The following FRAS1 variants were observed in gnomAD, a reference collection of about 807,000 sequenced individuals.
FRAS1 encodes Fraser extracellular matrix complex subunit 1, also known as extracellular matrix organizing protein FRAS1.
In FRAS1, 290 loss-of-function variants were observed where a neutral mutation model predicts 435.2. The ratio of observed to expected loss-of-function variants is 0.67; its 90% CI spans 0.61 to 0.73. FRAS1 has a LOEUF of 0.73. FRAS1 is among the 30% of genes least tolerant of loss of function. The pLI is 0.00. For missense variants in FRAS1, 4,860 were observed against 5,001.5 expected (o/e 0.97, Z 0.85); for synonymous variants, 1,800 against 1,851.0 (o/e 0.97, Z 0.71).
chr4:78,456,138 C>CTTTTTTTTTTCTTTT (rs1553962164), intron 47 of FRAS1, among the ~76,000 whole-genome samples: 1 of 51,486 alleles, frequency 1.9e-5, no homozygotes, highest in Non-Finnish European at 4.1e-5. Context: ...ACACATGTCA[C>CTTTTTTTTTTCTTTT]TTTTTTTTTT....
At chr4:78,289,579 G>C (rs1727786045) in intron 14 of FRAS1, among the ~76,000 whole-genome samples, 1 of 152,128 alleles carries the variant, frequency 6.6e-6, no homozygotes, top group Non-Finnish European at 1.5e-5. Context: ...TCACATTTTA[G>C]TTCTGGCACT....
intron 2 of FRAS1, among the ~76,000 whole-genome samples, chr4:78,084,184 T>C (rs909082504): frequency 1.3e-5 from 2 of 152,146 alleles, no homozygotes; most frequent in African/African-American, 2.4e-5. Flanking sequence ...TACAATCAAA[T>C]ATTTTTTTGG....
rs181347250 is a variant in FRAS1 at position 78,277,621 on chromosome 4, A to T, written c.982-1034A>T. 7.7e-3 allele frequency among the ~76,000 whole-genome samples: 1,174 copies of T among 152,246 alleles called. 8 individuals carry two copies. Among genetic ancestry groups the T allele is most frequent in the Non-Finnish European group, 0.012 (844 of 68,018 alleles). On this transcript the variant is annotated intron_variant, in intron 9 of 73. Coordinates refer to ENST00000512123, the MANE Select transcript of FRAS1 (RefSeq NM_025074.7). ...AACAGCAGATTTTCTGGGAGATGGG[A>T]CTTCAGTGGAATTACACTTTCTAAA...
intron 2 of FRAS1, among the ~76,000 whole-genome samples, chr4:78,136,510 G>A (rs868122394): frequency 6.6e-6 from 1 of 152,184 alleles, no homozygotes; most frequent in African/African-American, 2.4e-5. Flanking sequence ...GGCATGCAAG[G>A]GGAGGTATTG....
In FRAS1 at chr4:78,057,752, C is replaced by G; in HGVS notation, c.-258C>G. Reference sequence around the variant, plus strand: ...CCTCCTCTTATTCTCCCAAAGCTCACGTTGGCGTCCTGCCTTGCGGGGGAA... The same window carrying G: ...CCTCCTCTTATTCTCCCAAAGCTCAGGTTGGCGTCCTGCCTTGCGGGGGAA... On this transcript the variant is annotated 5_prime_UTR_variant, in exon 1 of 74. Coordinates refer to ENST00000512123, the MANE Select transcript of FRAS1 (RefSeq NM_025074.7). This position sits in a 1 kb window ranked among gnomAD's most constrained non-coding sequence, Gnocchi z 4.2. 1.8e-6 allele frequency: 1 copy of G among 545,614 alleles called. No homozygotes were observed. The highest frequency in any genetic ancestry group is 3.3e-6 in the Non-Finnish European group (1 of 306,848). The allele number at this position is 545,614 out of a possible 1,614,324, so 33.8% of individuals were successfully genotyped here. A position where few individuals can be genotyped will look rare whatever the true frequency, so the allele number is the denominator to read the frequency against.
chr4:78,247,978 G>A (rs966384714), intron 4 of FRAS1, among the ~76,000 whole-genome samples: 3 of 152,130 alleles, frequency 2.0e-5, no homozygotes, highest in African/African-American at 7.2e-5. Flanking sequence ...GAAAGTGAAG[G>A]ACTGGCTGAG....
At chr4:78,116,310 A>C (rs929018524) in intron 2 of FRAS1, among the ~76,000 whole-genome samples, 12 of 152,228 alleles carry the variant, frequency 7.9e-5, no homozygotes, top group Admixed American at 2.6e-4. Flanking sequence ...TATTCTGTTG[A>C]TTTGGGGTGG....
At chr4:78,537,245 G>T (rs766271796) in intron 72 of FRAS1, 45 bp downstream of exon 72, 1 of 1,559,416 alleles carries the variant, frequency 6.4e-7, no homozygotes, top group East Asian at 2.3e-5. Flanking sequence ...AGACACTTGA[G>T]CAGATTTCCT....
chr4:78,319,492 G>A (rs1729411676), intron 18 of FRAS1: 1 of 452,622 alleles, frequency 2.2e-6, no homozygotes, highest in South Asian at 1.6e-5. Context: ...GAGTGGTTGA[G>A]GAGATGAAAG....
chr4:78,286,294 G>C lies in FRAS1; in HGVS notation c.1400-111G>C. 3.3e-6 allele frequency: 4 copies of C among 1,220,946 alleles called. No homozygotes were observed. The East Asian group carries it at 9.3e-5, about 28-fold the overall frequency. The allele number at this position is 1,220,946 out of a possible 1,614,324, so 75.6% of individuals were successfully genotyped here. A position where few individuals can be genotyped will look rare whatever the true frequency, so the allele number is the denominator to read the frequency against. ...TTAAAATTATTTTTCTGCATTTTCT[G>C]TTTGGGACCTGGAGCCTCAAGATTG... is the stretch of plus-strand genomic sequence containing the variant. On this transcript the variant is annotated intron_variant, in intron 13 of 73. Transcript: ENST00000512123.
At chr4:78,425,279 T>G (rs1204978218) in intron 35 of FRAS1, among the ~76,000 whole-genome samples, 1 of 151,896 alleles carries the variant, frequency 6.6e-6, no homozygotes, top group African/African-American at 2.4e-5. Flanking sequence ...CAGAGGCGAG[T>G]TGAGAAACTT....
At chr4:78,119,718 G>A (rs1203758199) in intron 2 of FRAS1, among the ~76,000 whole-genome samples, 6 of 152,256 alleles carry the variant, frequency 3.9e-5, no homozygotes, top group South Asian at 4.1e-4. Context: ...ACTCTGCCAC[G>A]TAACACAGTT....
intron 2 of FRAS1, among the ~76,000 whole-genome samples, chr4:78,161,742 C>CAAAAAAAAAA (rs71214399): frequency 0.016 from 395 of 24,946 alleles, 2 homozygotes; most frequent in Middle Eastern, 0.036. Flanking sequence ...AACTCTGTCT[C>CAAAAAAAAAA]AAAAAAAAAA....
chr4:78,256,741 T>A (rs1725814305), intron 6 of FRAS1, among the ~76,000 whole-genome samples: 2 of 152,222 alleles, frequency 1.3e-5, no homozygotes. Context: ...TTAGAGCTAA[T>A]TAATATGCAA....
rs1443513703 is a variant in FRAS1 at position 78,353,913 on chromosome 4, GGGTGCAGCGC to G, written c.2423-9599_2423-9590del. 8.5e-5 allele frequency among the ~76,000 whole-genome samples: 2 copies of G among 23,436 alleles called. 1 individual carries two copies. Among genetic ancestry groups the G allele is most frequent in the Non-Finnish European group, 1.5e-4 (2 of 13,310 alleles). The allele number at this position is 23,436 out of a possible 152,430, so 15.4% of individuals were successfully genotyped here. On this transcript the variant is annotated intron_variant, in intron 20 of 73. Coordinates refer to ENST00000512123, the MANE Select transcript of FRAS1 (RefSeq NM_025074.7). ...ACCTAATGCTAGATGACACATTAGT[GGGTGCAGCGC>G]ACCAGCATGGCACATGTATACATAT...
At chr4:78,379,334 C>T (rs1233540489) in intron 26 of FRAS1, 2 of 188,112 alleles carry the variant, frequency 1.1e-5, no homozygotes, top group African/African-American at 4.8e-5. Context: ...TAGCCATTAG[C>T]CTTTAGTTTG....
chr4:78,159,760 A>C (rs1721057604), intron 2 of FRAS1, among the ~76,000 whole-genome samples: 1 of 152,172 alleles, frequency 6.6e-6, no homozygotes, highest in African/African-American at 2.4e-5. Flanking sequence ...ATGTGCCTAT[A>C]ATCCCAGCTA....
At chr4:78,445,463 A>G in intron 41 of FRAS1, 59 bp from the exon 42 acceptor site, 1 of 1,444,746 alleles carries the variant, frequency 6.9e-7, no homozygotes, top group Non-Finnish European at 9.1e-7. Context: ...TTTCTAGTTC[A>G]GCCTAGTAAG....
chr4:78,519,327 G>T lies in FRAS1; in HGVS notation c.10390-4G>T, dbSNP rs754487547. 1.3e-6 allele frequency: 2 copies of T among 1,522,032 alleles called. No homozygotes were observed. Among genetic ancestry groups the T allele is most frequent in the Non-Finnish European group, 1.8e-6 (2 of 1,139,426 alleles). The allele number at this position is 1,522,032 out of a possible 1,614,324, so 94.3% of individuals were successfully genotyped here. ...ACTCTGTGTGCATACTGCTTCCTCG[G>T]CAGGTGAGGGACTCTGCCCAGTCCT... On this transcript the variant is annotated splice_polypyrimidine_tract_variant and splice_region_variant and intron_variant, in intron 66 of 73. Transcript: ENST00000512123.
Sources: gnomAD v4.1 joint callset for allele counts (sites outside exome capture counted in the v4.1 genomes callset) on GRCh38, gnomAD v4.1.1 for gene constraint, Gnocchi (gnomAD v3.1) non-coding constraint, MANE v1.5 for transcripts, NCBI Gene and HGNC (gene_info 2026-07-23, HGNC 2026-07-21) for gene names.